RSF1: variants seen among roughly 807,000 people sequenced by gnomAD.
RSF1 encodes remodeling and spacing factor 1, also known as HBV pX-associated protein 8.
Under a neutral mutation model 145.2 loss-of-function variants are expected in RSF1, and 13 were observed. The observed-to-expected ratio is 0.09, with a 90% CI of 0.06 to 0.14. RSF1 has a LOEUF of 0.14. Ranked by LOEUF, RSF1 falls within the 10% of genes least tolerant of loss-of-function variation. RSF1 has a pLI of 1.00. For missense variants in RSF1, 1,517 were observed against 1,718.2 expected (o/e 0.88, Z 2.07); for synonymous variants, 577 against 592.6 (o/e 0.97, Z 0.38).
chr11:77,756,578 T>C (rs1041845642), intron 2 of RSF1, among the ~76,000 whole-genome samples: 20 of 152,120 alleles, frequency 1.3e-4, no homozygotes, highest in Non-Finnish European at 2.5e-4. Flanking sequence ...GAAGACAACC[T>C]GTCATCATGG....
intron 1 of RSF1, among the ~76,000 whole-genome samples, chr11:77,766,017 G>C (rs999215882): frequency 9.9e-5 from 15 of 151,902 alleles, no homozygotes; most frequent in Non-Finnish European, 4.4e-5. Context: ...CAAAATGCTG[G>C]GATTACAGGC....
chr11:77,733,557 AT>A (rs11353278), intron 4 of RSF1, among the ~76,000 whole-genome samples: 20,194 of 124,296 alleles, frequency 0.16, 1,124 homozygotes, highest in African/African-American at 0.26. Context: ...TACATCTTTG[AT>A]TTTTTTTTTT....
chr11:77,666,385 C>T lies in RSF1; in HGVS notation c.*532G>A, dbSNP rs1959363780. 6.6e-6 allele frequency: 1 copy of T among 152,478 alleles called. No homozygotes were observed. The highest frequency in any genetic ancestry group is 2.1e-4 in the South Asian group (1 of 4,824). 9.4% of individuals were successfully genotyped at this position (152,478 alleles called of 1,614,324 possible). A position where few individuals can be genotyped will look rare whatever the true frequency, so the allele number is the denominator to read the frequency against. On this transcript the variant is annotated 3_prime_UTR_variant, in exon 16 of 16. Transcript: ENST00000308488. The stretch of plus-strand genomic sequence containing the variant: ...TTTCACAAAGGCTGTTACTAAATGA[C>T]TTATGTATGATGTTATCTACAATTC...
chr11:77,838,593 T>C, the RSF1 span, among the ~76,000 whole-genome samples: 1 of 150,692 alleles, frequency 6.6e-6, no homozygotes, highest in Non-Finnish European at 1.5e-5. Flanking sequence ...TTTCTCTGGA[T>C]AACCCTGACT....
chr11:77,770,748 T>C (rs556149959), intron 1 of RSF1, among the ~76,000 whole-genome samples: 1 of 152,328 alleles, frequency 6.6e-6, no homozygotes, highest in African/African-American at 2.4e-5. Flanking sequence ...AATATCAGCA[T>C]GGCTTGAGGT....
upstream of RSF1, among the ~76,000 whole-genome samples, chr11:77,823,621 CAAA>C (rs397970373): frequency 6.1e-5 from 6 of 97,656 alleles, no homozygotes; most frequent in African/African-American, 4.1e-5. Context: ...CACCCTGTCT[CAAA>C]AAAAAAAAAA....
the RSF1 span, among the ~76,000 whole-genome samples, chr11:77,864,004 G>A: frequency 6.6e-6 from 1 of 150,754 alleles, no homozygotes; most frequent in Non-Finnish European, 1.5e-5. Flanking sequence ...CTGGCTCACT[G>A]CAACCTCTGC....
chr11:77,756,535 G>A (rs936330020), intron 2 of RSF1, among the ~76,000 whole-genome samples: 7 of 152,006 alleles, frequency 4.6e-5, no homozygotes, highest in East Asian at 1.9e-4. Flanking sequence ...CTATGTGGCC[G>A]GAACTAGACA....
chr11:77,831,840 CAT>C, the RSF1 span: 1 of 152,630 alleles, frequency 6.6e-6, no homozygotes, highest in East Asian at 1.9e-4. Flanking sequence ...GGATTACAGA[CAT>C]GTGCCACCAT....
At chr11:77,764,839 A>T in intron 1 of RSF1, 150 bp from the exon 2 acceptor site, 2 of 545,414 alleles carry the variant, frequency 3.7e-6, no homozygotes, top group Non-Finnish European at 6.3e-6. Flanking sequence ...TCTGAATCAA[A>T]AAAGCCTAAA....
At chr11:77,710,452 C>T (rs1037733755) in intron 5 of RSF1, among the ~76,000 whole-genome samples, 3 of 152,162 alleles carry the variant, frequency 2.0e-5, no homozygotes, top group African/African-American at 7.2e-5. Flanking sequence ...GTTATCCCCT[C>T]TATCCCTTAT....
intron 5 of RSF1, among the ~76,000 whole-genome samples, chr11:77,716,465 T>G (rs1166305252): frequency 6.6e-6 from 1 of 152,206 alleles, no homozygotes; most frequent in Non-Finnish European, 1.5e-5. Context: ...ATCCTGTCAT[T>G]TGTGACAACA....
At chr11:77,672,379 G>A (rs72947606) in intron 14 of RSF1, 149 bp from the exon 15 acceptor site, 2 of 658,370 alleles carry the variant, frequency 3.0e-6, no homozygotes, top group Non-Finnish European at 5.0e-6. Context: ...TTTTATTTGA[G>A]AGAGTATCTC....
Position 77,666,490 on chromosome 11 carries a change from T to C in RSF1, c.*427A>G, listed in dbSNP as rs1049040864. 6.5e-6 allele frequency: 1 copy of C among 152,764 alleles called. No homozygotes were observed. The highest frequency in any genetic ancestry group is 1.5e-5 in the Non-Finnish European group (1 of 68,212). 9.5% of individuals were successfully genotyped at this position (152,764 alleles called of 1,614,324 possible). On this transcript the variant is annotated 3_prime_UTR_variant, in exon 16 of 16. Transcript: ENST00000308488. ...ATGCCATGAATGTTTAAATATAATA[T>C]ATATTTAATATGAAAAAGCTAAAGC...
chr11:77,788,142 C>CAAAAAAA (rs66595170), intron 1 of RSF1, among the ~76,000 whole-genome samples: 8 of 3,430 alleles, frequency 2.3e-3, no homozygotes, highest in Non-Finnish European at 3.8e-3. Context: ...GACACTATCT[C>CAAAAAAA]AAAAAAAAAA....
Position 77,676,864 on chromosome 11 carries a change from C to T in RSF1, c.3269G>A (p.Arg1090Gln), listed in dbSNP as rs150369954. The change falls in exon 13 of 16, where the codon CGA becomes CAA. Residue 1090 changes from arginine to glutamine, a missense_variant. Physicochemically the swap from Arg to Gln is conservative, Grantham distance 43. Coordinates refer to ENST00000308488, the MANE Select transcript of RSF1 (RefSeq NM_016578.4). ...AAAARRKKRR[R>Q]LNDLDSDSNL... is the part of the protein sequence containing the mutation. The stretch of plus-strand genomic sequence containing the variant: ...GCTATCACTGTCCAGATCATTTAAT[C>T]GCCGGCGTTTCTTCCTTCGAGCAGC... 2.5e-6 allele frequency: 4 copies of T among 1,614,054 alleles called. No homozygotes were observed. Among genetic ancestry groups the T allele is most frequent in the Non-Finnish European group, 3.4e-6 (4 of 1,179,992 alleles).
chr11:77,857,189 G>A, the RSF1 span, among the ~76,000 whole-genome samples: 7 of 152,300 alleles, frequency 4.6e-5, no homozygotes, highest in South Asian at 1.5e-3. Context: ...GTAATTAAGT[G>A]CCACGGTAGA....
chr11:77,743,438 CTTTGGTCAA>C (rs918576551), intron 3 of RSF1, among the ~76,000 whole-genome samples: 5 of 152,260 alleles, frequency 3.3e-5, no homozygotes, highest in African/African-American at 1.2e-4. Flanking sequence ...TCTTTTACCT[CTTTGGTCAA>C]ATTTACTCCT....
chr11:77,714,528 A>G (rs896228879), intron 5 of RSF1, among the ~76,000 whole-genome samples: 1 of 152,092 alleles, frequency 6.6e-6, no homozygotes, highest in Non-Finnish European at 1.5e-5. Flanking sequence ...CTCCTTCTCC[A>G]ATAAGGAAAA....
Sources: allele counts gnomAD v4.1 joint callset (sites outside exome capture counted in the v4.1 genomes callset), GRCh38; gene constraint gnomAD v4.1.1; transcripts MANE v1.5; gene names NCBI Gene and HGNC (gene_info 2026-07-23, HGNC 2026-07-21).